CADM2: variants seen among roughly 807,000 people sequenced by gnomAD.
CADM2 encodes cell adhesion molecule 2, also known as immunoglobulin superfamily member 4D.
CADM2 carries 12 observed loss-of-function variants against 49.8 expected under a neutral mutation model. That is an observed-to-expected ratio of 0.24 (90% CI 0.15 to 0.39). CADM2 has a LOEUF of 0.39. CADM2 is among the 10% of genes least tolerant of loss of function. The probability of loss-of-function intolerance (pLI) is 1.00; values close to 1 mark genes in which losing one functional copy is unlikely to be tolerated. For missense variants in CADM2, 378 were observed against 492.3 expected (o/e 0.77, Z 2.20); for synonymous variants, 214 against 175.4 (o/e 1.22, Z -1.74).
intron 1 of CADM2, among the ~76,000 whole-genome samples, chr3:85,204,672 G>A (rs1039795646): frequency 2.0e-5 from 3 of 152,100 alleles, no homozygotes; most frequent in South Asian, 2.1e-4. Context: ...CAAATTTAAC[G>A]TATATCTAGA....
intron 1 of CADM2, among the ~76,000 whole-genome samples, chr3:85,541,746 T>TTATATTATATA (rs2061546892): frequency 2.5e-4 from 7 of 27,780 alleles, no homozygotes; most frequent in South Asian, 3.2e-3. Context: ...TATATATATT[T>TTATATTATATA]TATATATTTT....
intron 1 of CADM2, among the ~76,000 whole-genome samples, chr3:85,513,856 C>A (rs573342401): frequency 2.4e-4 from 37 of 152,124 alleles, no homozygotes; most frequent in African/African-American, 8.2e-4. Context: ...GTACTCCAAG[C>A]AGATGCTCTT....
At chr3:86,036,538 G>A (rs186104436) in intron 8 of CADM2, among the ~76,000 whole-genome samples, 7 of 152,132 alleles carry the variant, frequency 4.6e-5, no homozygotes, top group Admixed American at 4.6e-4. Context: ...TCTCCAAGGT[G>A]TTGGACTGAA....
chr3:85,595,014 A>G (rs1449871418), intron 1 of CADM2, among the ~76,000 whole-genome samples: 1 of 152,066 alleles, frequency 6.6e-6, no homozygotes, highest in Non-Finnish European at 1.5e-5. Flanking sequence ...AAATAAATTT[A>G]AAAGGGGAAA....
At chr3:85,826,798 A>G (rs1284138429) in intron 3 of CADM2, among the ~76,000 whole-genome samples, 4 of 152,026 alleles carry the variant, frequency 2.6e-5, no homozygotes, top group African/African-American at 7.2e-5. Flanking sequence ...AATGTATATT[A>G]AAAGTTTTAT....
intron 1 of CADM2, among the ~76,000 whole-genome samples, chr3:85,474,901 G>A (rs2038916014): frequency 6.6e-6 from 1 of 151,864 alleles, no homozygotes; most frequent in Admixed American, 6.6e-5. Flanking sequence ...TCCATGTGTT[G>A]ATAGTCTTCA....
chr3:86,032,917 A>G (rs1361349455), intron 8 of CADM2, among the ~76,000 whole-genome samples: 1 of 151,796 alleles, frequency 6.6e-6, no homozygotes, highest in African/African-American at 2.4e-5. Context: ...GAAAAGGTTG[A>G]AGTTCTTTGA....
rs576911074 is a variant in CADM2, at chr3:85,932,875, T to G, written c.701-2892T>G. Among the ~76,000 whole-genome samples, 334 of 152,236 alleles carry G rather than the reference T, an allele frequency of 2.2e-3. 3 individuals carry two copies. Among genetic ancestry groups the G allele is most frequent in the African/African-American group, 7.9e-3 (328 of 41,554 alleles). On this transcript the variant is annotated intron_variant, in intron 6 of 9. Transcript: ENST00000383699. Reference sequence around the variant, plus strand: ...TTAGTAACTTAGAGCTTATTTAGGTTATTCCTGAGAGTTGTATGGAAATAT... The same window carrying G: ...TTAGTAACTTAGAGCTTATTTAGGTGATTCCTGAGAGTTGTATGGAAATAT...
At chr3:85,029,755 ACT>A in intron 1 of CADM2, among the ~76,000 whole-genome samples, 1 of 152,234 alleles carries the variant, frequency 6.6e-6, no homozygotes, top group East Asian at 1.9e-4. Flanking sequence ...CTCTCTACAA[ACT>A]CTTGGTACTT....
At chr3:85,672,572 T>C (rs1490585481) in intron 1 of CADM2, among the ~76,000 whole-genome samples, 1 of 152,164 alleles carries the variant, frequency 6.6e-6, no homozygotes, top group Non-Finnish European at 1.5e-5. Context: ...TAAAGTGAAA[T>C]ATAATTCAGA....
At chr3:85,513,211 A>G (rs2060814213) in intron 1 of CADM2, among the ~76,000 whole-genome samples, 1 of 152,010 alleles carries the variant, frequency 6.6e-6, no homozygotes, top group Admixed American at 6.6e-5. Flanking sequence ...ATTTTTAGAG[A>G]TGCAAAACCA....
chr3:85,995,103 A>G (rs1456610778), intron 8 of CADM2, among the ~76,000 whole-genome samples: 1 of 151,942 alleles, frequency 6.6e-6, no homozygotes, highest in Non-Finnish European at 1.5e-5. Context: ...AACAGACAAC[A>G]GCTGTTAGTG....
chr3:85,696,634 A>G (rs1559598635), intron 1 of CADM2, among the ~76,000 whole-genome samples: 1 of 152,042 alleles, frequency 6.6e-6, no homozygotes, highest in Non-Finnish European at 1.5e-5. Flanking sequence ...AATTCTTAGT[A>G]GTTAATATTT....
intron 1 of CADM2, among the ~76,000 whole-genome samples, chr3:85,595,154 G>A (rs989233328): frequency 2.6e-5 from 4 of 151,966 alleles, no homozygotes; most frequent in African/African-American, 9.7e-5. Context: ...TTTCAGTACT[G>A]AAGTGTCTAT....
At chr3:86,034,413 C>A (rs780323940) in intron 8 of CADM2, among the ~76,000 whole-genome samples, 1 of 151,936 alleles carries the variant, frequency 6.6e-6, no homozygotes, top group Non-Finnish European at 1.5e-5. Flanking sequence ...TCACCTTCCA[C>A]GACATGAGGA....
At chr3:85,578,709 C>A (rs2062712715) in intron 1 of CADM2, among the ~76,000 whole-genome samples, 1 of 152,136 alleles carries the variant, frequency 6.6e-6, no homozygotes, top group South Asian at 2.1e-4. Context: ...TATTCTTATT[C>A]TTTTGCATCT....
At chr3:86,009,857 G>C (rs2106898403) in intron 8 of CADM2, among the ~76,000 whole-genome samples, 1 of 151,650 alleles carries the variant, frequency 6.6e-6, no homozygotes, top group East Asian at 1.9e-4. Flanking sequence ...TATATACATT[G>C]AGAAATGGCT....
At chr3:84,969,340 T>G (rs777778412) in intron 1 of CADM2, among the ~76,000 whole-genome samples, 1 of 152,008 alleles carries the variant, frequency 6.6e-6, no homozygotes, top group African/African-American at 2.4e-5. Context: ...ATAGTTTTAG[T>G]TTTAGTAGAC....
At chr3:85,530,734 A>C (rs1219706469) in intron 1 of CADM2, among the ~76,000 whole-genome samples, 1 of 152,130 alleles carries the variant, frequency 6.6e-6, no homozygotes, top group Non-Finnish European at 1.5e-5. Context: ...CAATCTTAGC[A>C]TCTAGCCAAG....
Sources: allele counts gnomAD v4.1 joint callset (sites outside exome capture counted in the v4.1 genomes callset), GRCh38; gene constraint gnomAD v4.1.1; transcripts MANE v1.5; gene names NCBI Gene and HGNC (gene_info 2026-07-23, HGNC 2026-07-21).